Variants in NPRL3 observed in about 807,000 individuals in gnomAD.
The protein encoded by NPRL3 is NPR3 like, GATOR1 complex subunit, also known as GATOR1 complex protein NPRL3.
NPRL3 carries 23 observed loss-of-function variants against 57.2 expected under a neutral mutation model. The observed-to-expected ratio is 0.40, with a 90% CI of 0.29 to 0.57. The LOEUF is 0.57. NPRL3 is among the 20% of genes least tolerant of loss of function. The pLI is 0.42. For missense variants in NPRL3, 691 were observed against 767.1 expected, an observed-to-expected ratio of 0.90 and a Z score of 1.17; for synonymous variants, 333 against 321.1, an observed-to-expected ratio of 1.04 and a Z score of -0.39.
intron 3 of NPRL3, among the ~76,000 whole-genome samples, chr16:129,608 G>C (rs1900698053): frequency 6.6e-6 from 1 of 152,188 alleles, no homozygotes. Context: ...CTTGAGGCCA[G>C]GAGCTCAGGA....
chr16:87,114 T>C (rs1898511099), intron 13 of NPRL3, among the ~76,000 whole-genome samples: 1 of 152,222 alleles, frequency 6.6e-6, no homozygotes, highest in South Asian at 2.1e-4. Flanking sequence ...AGACGGCTGT[T>C]CAAACCCAGA....
Position 98,333 on chromosome 16 carries a change from G to A in NPRL3, c.768-32C>T, listed in dbSNP as rs549677632. ...AACAATCACCTGTCACGGAACACAC[G>A]AAGTGCAGGAACCCTGCACCGGGTA... is the stretch of plus-strand genomic sequence containing the variant. On this transcript the variant is annotated intron_variant, in intron 8 of 13. Transcript: ENST00000611875. 3.9e-5 allele frequency: 62 copies of A among 1,608,864 alleles called. 1 individual carries two copies. In the African/African-American group the frequency reaches 4.5e-4, roughly 12 times the overall value.
At chr16:104,701 G>A (rs1420003259) in intron 7 of NPRL3, among the ~76,000 whole-genome samples, 1 of 152,236 alleles carries the variant, frequency 6.6e-6, no homozygotes, top group Non-Finnish European at 1.5e-5. Flanking sequence ...TCTGCACTGA[G>A]GCTGGTGCTT....
intron 2 of NPRL3, among the ~76,000 whole-genome samples, chr16:130,871 G>A (rs1900757844): frequency 6.6e-6 from 1 of 152,252 alleles, no homozygotes; most frequent in Non-Finnish European, 1.5e-5. Context: ...AGCACAGGCT[G>A]GGAGCAGGGG....
At chr16:97,538 C>G (rs1303003183) in intron 9 of NPRL3, among the ~76,000 whole-genome samples, 8 of 150,286 alleles carry the variant, frequency 5.3e-5, no homozygotes, top group Non-Finnish European at 4.4e-5. Flanking sequence ...CTGCGCTTTT[C>G]CTCCCACACT....
chr16:107,260 T>A (rs1416526899), intron 7 of NPRL3, among the ~76,000 whole-genome samples: 1 of 152,170 alleles, frequency 6.6e-6, no homozygotes, highest in Non-Finnish European at 1.5e-5. Flanking sequence ...AGCCTGCAGA[T>A]CACACAACAG....
In NPRL3 at chr16:100,363, G is replaced by A. The variant is rs1596508427; in HGVS notation, c.767+9C>T. On this transcript the variant is annotated intron_variant, in intron 8 of 13. Coordinates refer to ENST00000611875, the MANE Select transcript of NPRL3 (RefSeq NM_001077350.3). ...GGCAGGGAGTGAGCACGTGGGGCTG[G>A]GCACTTACCGGATGGCTTTCAGGCT... 3 of 1,518,454 alleles carry A rather than the reference G, an allele frequency of 2.0e-6. No individual in the cohort carries two copies. The highest frequency in any genetic ancestry group is 2.7e-6 in the Non-Finnish European group (3 of 1,130,904). 94.1% of individuals were successfully genotyped at this position (1,518,454 alleles called of 1,614,324 possible).
In NPRL3 at chr16:110,522, T is replaced by C; in HGVS notation, c.629+3A>G. 1 of 1,610,084 alleles carries C rather than the reference T, an allele frequency of 6.2e-7. No individual in the cohort carries two copies. The highest frequency in any genetic ancestry group is 1.1e-5 in the South Asian group (1 of 90,078). On this transcript the variant is annotated splice_donor_region_variant and intron_variant, in intron 7 of 13. Coordinates refer to ENST00000611875, the MANE Select transcript of NPRL3 (RefSeq NM_001077350.3). ...GGTTAATAAGCACACCCACCTGTCT[T>C]ACCTGTCATAAGCTTCCTTGAGGTC...
rs35061088 is a variant in NPRL3 at position 87,868 on chromosome 16, C to CTT, written c.1544+828_1544+829dup. Reference sequence around the variant, plus strand: ...TACAGGCATGAGCCACCGCGCCTGACTTTTTTTTTTTTTTTTTTTAATGTC... The same window carrying CTT: ...TACAGGCATGAGCCACCGCGCCTGACTTTTTTTTTTTTTTTTTTTTTAATGTC... On this transcript the variant is annotated intron_variant, in intron 13 of 13. Coordinates refer to ENST00000611875, the MANE Select transcript of NPRL3 (RefSeq NM_001077350.3). 2.3e-4 allele frequency among the ~76,000 whole-genome samples: 31 copies of CTT among 137,530 alleles called. No homozygotes were observed. In the South Asian group the frequency reaches 4.4e-3, roughly 19 times the overall value. The allele number at this position is 137,530 out of a possible 152,430, so 90.2% of individuals were successfully genotyped here.
chr16:92,884 A>G, intron 10 of NPRL3, 159 bp from the exon 11 acceptor site: 1 of 862,178 alleles, frequency 1.2e-6, no homozygotes, highest in Non-Finnish European at 1.8e-6. Context: ...CCAGGTGGAC[A>G]GAGCCTGGGC....
intron 2 of NPRL3, among the ~76,000 whole-genome samples, chr16:134,315 T>A (rs1022062640): frequency 6.6e-6 from 1 of 151,904 alleles, no homozygotes; most frequent in Admixed American, 6.6e-5. Context: ...TAAATGTACA[T>A]ACACCAAGAG....
intron 3 of NPRL3, among the ~76,000 whole-genome samples, chr16:127,843 A>T (rs1208872016): frequency 2.0e-5 from 3 of 150,716 alleles, no homozygotes; most frequent in African/African-American, 7.4e-5. Flanking sequence ...TTTAGTAGAG[A>T]TGGGGTTTCA....
In NPRL3 at chr16:92,659, G is replaced by C; in HGVS notation, c.1098C>G (p.Ala366=). ...ACAAGGAGACCGGCAAGGAGAACTT[G>C]GCAAGAACGGACGGCAGGTCATGAG... ...FPSHDLPSVL[A]KFSLPVSLSE... is the part of the protein sequence containing the mutation. Residue 366 remains alanine (A), a synonymous_variant, in exon 11 of 14, where the codon GCC becomes GCG. Transcript: ENST00000611875. 1.9e-6 allele frequency: 3 copies of C among 1,613,854 alleles called. No homozygotes were observed. The highest frequency in any genetic ancestry group is 1.7e-6 in the Non-Finnish European group (2 of 1,179,822).
chr16:99,939 C>A (rs1899197626), intron 8 of NPRL3, among the ~76,000 whole-genome samples: 1 of 110,606 alleles, frequency 9.0e-6, no homozygotes, highest in African/African-American at 4.8e-5. Context: ...GTCTCTCTCT[C>A]ACACACACAC....
intron 7 of NPRL3, among the ~76,000 whole-genome samples, chr16:100,970 C>CAAA (rs59640237): frequency 0.015 from 546 of 36,104 alleles, 24 homozygotes; most frequent in Middle Eastern, 0.028. Flanking sequence ...GACTCTGTCT[C>CAAA]AAAAAAAAAA....
At chr16:129,426 A>G (rs1900690958) in intron 3 of NPRL3, among the ~76,000 whole-genome samples, 1 of 152,164 alleles carries the variant, frequency 6.6e-6, no homozygotes, top group Non-Finnish European at 1.5e-5. Context: ...AGCAAGCCCC[A>G]TCGCCCTTCC....
intron 4 of NPRL3, among the ~76,000 whole-genome samples, chr16:117,688 C>T (rs952205277): frequency 2.6e-5 from 4 of 152,184 alleles, no homozygotes; most frequent in African/African-American, 7.2e-5. Context: ...ACTGCCTTCC[C>T]GTGCCCGCCT....
In NPRL3 at chr16:122,937, G is replaced by A. The variant is rs1295716951; in HGVS notation, c.189-3682C>T. ...AGGCCCAGAGGAGATGCACTGTCAAGGGGAATGGAAGAGTCGCCCGTCATC... is the reference window on the plus strand; with the variant it reads ...AGGCCCAGAGGAGATGCACTGTCAAAGGGAATGGAAGAGTCGCCCGTCATC... On this transcript the variant is annotated intron_variant, in intron 3 of 13. Coordinates refer to ENST00000611875, the MANE Select transcript of NPRL3 (RefSeq NM_001077350.3). Among the ~76,000 whole-genome samples, 3 of 152,326 alleles carry A rather than the reference G, an allele frequency of 2.0e-5. No homozygotes were observed. In the East Asian group the frequency reaches 5.8e-4, roughly 29 times the overall value.
intron 13 of NPRL3, 121 bp from the exon 14 acceptor site, chr16:86,991 A>G (rs1034311190): frequency 4.9e-6 from 5 of 1,012,128 alleles, no homozygotes; most frequent in Non-Finnish European, 7.1e-6. Flanking sequence ...CTGGTGGTGA[A>G]GGCCAGGGAG....
Sources: gnomAD v4.1 joint callset for allele counts (sites outside exome capture counted in the v4.1 genomes callset) on GRCh38, gnomAD v4.1.1 for gene constraint, MANE v1.5 for transcripts, NCBI Gene and HGNC (gene_info 2026-07-23, HGNC 2026-07-21) for gene names.